The following PTPRM variants were observed in gnomAD, a reference collection of about 807,000 sequenced individuals.
PTPRM encodes the protein protein tyrosine phosphatase receptor type M.
PTPRM carries 47 observed loss-of-function variants against 186.7 expected under a neutral mutation model. The ratio of observed to expected loss-of-function variants is 0.25; its 90% confidence interval spans 0.20 to 0.32. PTPRM has a LOEUF of 0.32. Among genes scored for constraint, PTPRM ranks in the 10% least tolerant of loss-of-function variants. The pLI is 1.00. For missense variants in PTPRM, 1,494 were observed against 1,865.0 expected (o/e 0.80, Z 3.66); for synonymous variants, 668 against 674.9 (o/e 0.99, Z 0.16).
intron 14 of PTPRM, among the ~76,000 whole-genome samples, chr18:8,222,104 ATT>A (rs766172019): frequency 2.0e-5 from 3 of 152,206 alleles, no homozygotes; most frequent in Non-Finnish European, 2.9e-5. Flanking sequence ...ACTCCATTAC[ATT>A]TAATTTGGCT....
intron 23 of PTPRM, among the ~76,000 whole-genome samples, chr18:8,363,954 G>A (rs951300780): frequency 6.6e-6 from 1 of 152,134 alleles, no homozygotes; most frequent in Admixed American, 6.5e-5. Flanking sequence ...CAACATTAAC[G>A]AATAGATGCA....
At chr18:7,908,699 CTG>C (rs2050118507) in intron 4 of PTPRM, among the ~76,000 whole-genome samples, 1 of 152,164 alleles carries the variant, frequency 6.6e-6, no homozygotes, top group Non-Finnish European at 1.5e-5. Context: ...GTCAGCAAAA[CTG>C]GGGAGTTCAA....
chr18:7,901,744 T>C (rs778664105), intron 3 of PTPRM, among the ~76,000 whole-genome samples: 9 of 152,222 alleles, frequency 5.9e-5, no homozygotes, highest in Non-Finnish European at 8.8e-5. Flanking sequence ...TTAAAATAGG[T>C]AATCTCAGAC....
At chr18:8,226,550 G>T (rs2094216431) in intron 14 of PTPRM, among the ~76,000 whole-genome samples, 1 of 152,150 alleles carries the variant, frequency 6.6e-6, no homozygotes, top group African/African-American at 2.4e-5. Context: ...GAAAATGTAG[G>T]CCCTTGTTGG....
chr18:7,607,932 A>T (rs1210996742), intron 1 of PTPRM, among the ~76,000 whole-genome samples: 3 of 152,152 alleles, frequency 2.0e-5, no homozygotes, highest in African/African-American at 7.2e-5. Flanking sequence ...TAGCCAGCTT[A>T]TTACAGCTCC....
Position 8,031,617 on chromosome 18 carries a change from G to A in PTPRM, c.1133-38069G>A, listed in dbSNP as rs147252545. On this transcript the variant is annotated intron_variant, in intron 7 of 32. Transcript: ENST00000580170. Reference sequence around the variant, plus strand: ...GTAGAGTTAAAATGAAGGCACGTTTGCAGCACTATAGAGTCTGACAGGAGA... The same window carrying A: ...GTAGAGTTAAAATGAAGGCACGTTTACAGCACTATAGAGTCTGACAGGAGA... Among the ~76,000 whole-genome samples, 244 of 152,308 alleles carry A rather than the reference G, an allele frequency of 1.6e-3. 2 individuals carry two copies. Among genetic ancestry groups the A allele is most frequent in the African/African-American group, 5.3e-3 (220 of 41,578 alleles).
chr18:8,397,521 T>C (rs1208636758), intron 32 of PTPRM, among the ~76,000 whole-genome samples: 1 of 152,230 alleles, frequency 6.6e-6, no homozygotes, highest in Non-Finnish European at 1.5e-5. Context: ...CAAGACTAGA[T>C]TTTTTTGTAT....
At chr18:7,881,309 C>A (rs1299740833) in intron 2 of PTPRM, among the ~76,000 whole-genome samples, 4 of 152,030 alleles carry the variant, frequency 2.6e-5, no homozygotes, top group African/African-American at 9.7e-5. Context: ...GTGGTGCGTG[C>A]TTGTAAACCC....
chr18:7,960,466 TATATATATATATATAC>T (rs751991550), intron 7 of PTPRM, among the ~76,000 whole-genome samples: 1,333 of 122,176 alleles, frequency 0.011, 16 homozygotes, highest in South Asian at 0.025. Context: ...TATATATATA[TATATATATATATATAC>T]ACACACACAC....
At chr18:7,814,526 C>G (rs1467755382) in intron 2 of PTPRM, 2 of 152,172 alleles carry the variant, frequency 1.3e-5, no homozygotes, top group African/African-American at 2.4e-5. Context: ...GGACAGGTGT[C>G]ATGGAAAACA....
intron 1 of PTPRM, among the ~76,000 whole-genome samples, chr18:7,592,578 C>G (rs2037155195): frequency 6.6e-6 from 1 of 152,190 alleles, no homozygotes; most frequent in South Asian, 2.1e-4. Flanking sequence ...TACAGAGCTG[C>G]CTGGTGCTAT....
At chr18:8,310,482 A>T (rs1372259812) in intron 20 of PTPRM, among the ~76,000 whole-genome samples, 1 of 147,944 alleles carries the variant, frequency 6.8e-6, no homozygotes, top group East Asian at 2.0e-4. Context: ...TGGTTTCCTG[A>T]ACATACTAGA....
rs1022154963 is a variant in PTPRM at position 8,063,200 on chromosome 18, G to A, written c.1133-6486G>A. ...AGCCGGTCTGAAAAGCGCAGTATTC[G>A]GGTGGGAGTGACCCGATTTTCCAGG... On this transcript the variant is annotated intron_variant, in intron 7 of 32. Coordinates refer to ENST00000580170, the MANE Select transcript of PTPRM (RefSeq NM_001105244.2). Among the ~76,000 whole-genome samples the A allele has an allele frequency of 1.7e-4, 26 of 151,234 alleles. 1 individual carries two copies. The highest frequency in any genetic ancestry group is 5.4e-4 in the African/African-American group (22 of 40,738).
intron 1 of PTPRM, among the ~76,000 whole-genome samples, chr18:7,753,887 C>T (rs1317011852): frequency 6.6e-6 from 1 of 151,770 alleles, no homozygotes; most frequent in Admixed American, 6.6e-5. Context: ...ATTTTGGGAC[C>T]TGCTACACTG....
intron 11 of PTPRM, among the ~76,000 whole-genome samples, chr18:8,092,180 G>C (rs1176392682): frequency 6.6e-6 from 1 of 152,068 alleles, no homozygotes; most frequent in Admixed American, 6.6e-5. Context: ...GGTTCATGTA[G>C]ATTCTTGAAA....
chr18:7,909,071 A>C (rs2050136785), intron 4 of PTPRM, among the ~76,000 whole-genome samples: 1 of 152,218 alleles, frequency 6.6e-6, no homozygotes, highest in Non-Finnish European at 1.5e-5. Flanking sequence ...TCAAGGTTGC[A>C]CATGGCTTTC....
At chr18:8,270,306 T>C (rs893641565) in intron 19 of PTPRM, 23 of 150,490 alleles carry the variant, frequency 1.5e-4, no homozygotes, top group African/African-American at 5.1e-4. Flanking sequence ...ATACAAATGG[T>C]CAATAGGTAT....
intron 23 of PTPRM, among the ~76,000 whole-genome samples, chr18:8,355,500 G>A (rs775827916): frequency 9.9e-5 from 15 of 152,134 alleles, no homozygotes; most frequent in East Asian, 9.7e-4. Flanking sequence ...GATATACCAC[G>A]TCAGGAATTG....
At chr18:7,845,543 G>A (rs979063305) in intron 2 of PTPRM, among the ~76,000 whole-genome samples, 24 of 152,176 alleles carry the variant, frequency 1.6e-4, no homozygotes, top group African/African-American at 5.1e-4. Flanking sequence ...AAAATTTTTC[G>A]ATACACTGAA....
Sources: allele counts gnomAD v4.1 joint callset (sites outside exome capture counted in the v4.1 genomes callset), GRCh38; gene constraint gnomAD v4.1.1; transcripts MANE v1.5; gene names NCBI Gene and HGNC (gene_info 2026-07-23, HGNC 2026-07-21).